CNTRL: variants seen among roughly 807,000 people sequenced by gnomAD.
CNTRL encodes centriolin, also known as 110 kDa centrosomal protein.
A neutral mutation model predicts 303.7 loss-of-function variants in CNTRL; 233 were observed. The observed-to-expected ratio is 0.77, with a 90% CI of 0.69 to 0.86. The LOEUF (loss-of-function observed/expected upper bound fraction) is 0.86, where lower values mean the gene tolerates loss of function less well. Among genes scored for constraint, CNTRL ranks in the 40% least tolerant of loss-of-function variants. The probability of loss-of-function intolerance (pLI) is 0.00; values close to 1 mark genes in which losing one functional copy is unlikely to be tolerated. For synonymous variants in CNTRL, 900 were observed against 922.2 expected (o/e 0.98, Z 0.44); for missense variants, 2,524 against 2,650.6 (o/e 0.95, Z 1.05).
At position 121,083,413 on chromosome 9, in the gene CNTRL, ACG is replaced by A. The variant is rs1006904945; in HGVS notation, c.-32+2937_-32+2938del. Among the ~76,000 whole-genome samples the A allele has an allele frequency of 2.5e-4, 38 of 152,290 alleles. 1 individual carries two copies. Among genetic ancestry groups the A allele is most frequent in the Admixed American group, 2.5e-3 (38 of 15,294 alleles). On this transcript the variant is annotated intron_variant, in intron 2 of 43. Transcript: ENST00000373855. ...TTTAAATGTTTTCTTAAAAACTGAG[ACG>A]CAAACACACACATTAGCCTAGGCCT...
chr9:121,163,865 C>CT (rs35289557), intron 34 of CNTRL, among the ~76,000 whole-genome samples: 70,264 of 138,140 alleles, frequency 0.51, 19,535 homozygotes, highest in South Asian at 0.8. Context: ...TAACCAGGAA[C>CT]TTTTTTTTTT....
At chr9:121,096,968 GT>G (rs537212879) in intron 6 of CNTRL, among the ~76,000 whole-genome samples, 147 of 142,572 alleles carry the variant, frequency 1.0e-3, no homozygotes, top group African/African-American at 1.0e-3. Flanking sequence ...AAAGTTCTGG[GT>G]TTTTTTTTTT....
intron 4 of CNTRL, among the ~76,000 whole-genome samples, chr9:121,091,455 T>C (rs1488241703): frequency 1.3e-5 from 2 of 152,172 alleles, no homozygotes; most frequent in Non-Finnish European, 2.9e-5. Context: ...AAGCAAATAC[T>C]AACCCTAGTA....
chr9:121,147,766 C>T (rs1015482542), intron 23 of CNTRL, among the ~76,000 whole-genome samples: 3 of 152,144 alleles, frequency 2.0e-5, no homozygotes, highest in Non-Finnish European at 4.4e-5. Context: ...GCTGTGTAGA[C>T]TTAACCAGAC....
intron 43 of CNTRL, among the ~76,000 whole-genome samples, chr9:121,176,321 T>C (rs1436127355): frequency 6.6e-6 from 1 of 152,232 alleles, no homozygotes; most frequent in Non-Finnish European, 1.5e-5. Flanking sequence ...TCAAGGACAG[T>C]TGCCTCTTTA....
At chr9:121,103,270 A>T (rs1031219526) in intron 7 of CNTRL, among the ~76,000 whole-genome samples, 1 of 152,228 alleles carries the variant, frequency 6.6e-6, no homozygotes, top group South Asian at 2.1e-4. Flanking sequence ...CTGATCTTTG[A>T]CAAACCTGAC....
At chr9:121,160,443 G>T in intron 32 of CNTRL, 141 bp downstream of exon 32, 2 of 462,356 alleles carry the variant, frequency 4.3e-6, no homozygotes, top group Non-Finnish European at 7.1e-6. Flanking sequence ...GGTTATAAAA[G>T]GAATATGATA....
chr9:121,125,602 T>C (rs2050473290), intron 13 of CNTRL, 114 bp from the exon 14 acceptor site: 2 of 908,586 alleles, frequency 2.2e-6, no homozygotes, highest in South Asian at 1.6e-5. Context: ...AAAAGAAAAA[T>C]GATAGGAAAG....
intron 4 of CNTRL, among the ~76,000 whole-genome samples, chr9:121,091,608 C>T (rs550184445): frequency 2.6e-5 from 4 of 152,120 alleles, no homozygotes; most frequent in East Asian, 1.9e-4. Flanking sequence ...TTTGGGAGGC[C>T]GAGGTGGGCA....
At position 121,164,979 on chromosome 9, in the gene CNTRL, G is replaced by A. The variant is rs961067427; in HGVS notation, c.5460G>A (p.Glu1820=). 7.4e-6 allele frequency: 12 copies of A among 1,612,078 alleles called. No individual in the cohort carries two copies. The highest frequency in any genetic ancestry group is 2.2e-5 in the East Asian group (1 of 44,760). The part of the protein sequence containing the change: ...LAAAEENSKM[E]QSNLEKLELN... ...CAGCAGAAGAAAATAGCAAAATGGA[G>A]CAATCAAACTTAGAAAAGTTGGAAT... Residue 1820 remains glutamate, a synonymous_variant, in exon 35 of 44, where the codon GAG becomes GAA. Coordinates refer to ENST00000373855, the MANE Select transcript of CNTRL (RefSeq NM_007018.6).
chr9:121,100,073 TC>T (rs1378512924), intron 7 of CNTRL, among the ~76,000 whole-genome samples: 1 of 152,066 alleles, frequency 6.6e-6, no homozygotes, highest in Non-Finnish European at 1.5e-5. Flanking sequence ...ACGAAGATAC[TC>T]CTCGAGAATA....
At chr9:121,144,435 C>G (rs1030912204) in intron 20 of CNTRL, among the ~76,000 whole-genome samples, 1 of 152,110 alleles carries the variant, frequency 6.6e-6, no homozygotes, top group Non-Finnish European at 1.5e-5. Flanking sequence ...TTTTTCATCT[C>G]GTGCAGTCAT....
intron 4 of CNTRL, among the ~76,000 whole-genome samples, chr9:121,094,208 G>A (rs781737917): frequency 3.3e-5 from 5 of 150,984 alleles, no homozygotes; most frequent in African/African-American, 4.9e-5. Context: ...ACCACAGACT[G>A]GGTAATTTAT....
At position 121,177,407 on chromosome 9, in the gene CNTRL, CAT is replaced by C. The variant is rs142381122; in HGVS notation, c.*222_*223del. The C allele has an allele frequency of 9.0e-3, 3,769 of 416,578 alleles. 110 individuals are homozygous for C. Among genetic ancestry groups the C allele is most frequent in the African/African-American group, 0.07 (3,390 of 48,098 alleles). 25.8% of individuals were successfully genotyped at this position (416,578 alleles called of 1,614,324 possible). On this transcript the variant is annotated 3_prime_UTR_variant, in exon 44 of 44. Coordinates refer to ENST00000373855, the MANE Select transcript of CNTRL (RefSeq NM_007018.6). ...AGTTGCATATGGGAATTTAAACCAACATGTGGCTGAGCCTTTTTTTTTTTAAT... is the reference window on the plus strand; with the variant it reads ...AGTTGCATATGGGAATTTAAACCAACGTGGCTGAGCCTTTTTTTTTTTAAT...
intron 22 of CNTRL, 32 bp downstream of exon 22, chr9:121,145,417 G>GT (rs1279633614): frequency 6.4e-7 from 1 of 1,555,866 alleles, no homozygotes; most frequent in Admixed American, 2.1e-5. Context: ...TTTGGCAGTG[G>GT]TTTTGTAGTC....
At chr9:121,168,979 C>T (rs941597175) in intron 38 of CNTRL, among the ~76,000 whole-genome samples, 2 of 152,112 alleles carry the variant, frequency 1.3e-5, no homozygotes, top group East Asian at 1.9e-4. Context: ...AAAAATATGT[C>T]GAGTTCTGAT....
intron 34 of CNTRL, among the ~76,000 whole-genome samples, chr9:121,164,227 G>T (rs2052993043): frequency 6.6e-6 from 1 of 152,158 alleles, no homozygotes; most frequent in African/African-American, 2.4e-5. Context: ...AACTTTGGAA[G>T]ACAGTTTAAC....
intron 12 of CNTRL, among the ~76,000 whole-genome samples, chr9:121,120,776 A>G (rs1347652164): frequency 6.6e-6 from 1 of 152,248 alleles, no homozygotes; most frequent in Non-Finnish European, 1.5e-5. Flanking sequence ...TAAATGAGAC[A>G]TGGGAATGGC....
At chr9:121,087,569 G>GA (rs2048395161) in intron 2 of CNTRL, among the ~76,000 whole-genome samples, 1 of 152,036 alleles carries the variant, frequency 6.6e-6, no homozygotes, top group Non-Finnish European at 1.5e-5. Context: ...CAGGCGCCAG[G>GA]AATCCCAGCT....
Sources: gnomAD v4.1 joint callset for allele counts (sites outside exome capture counted in the v4.1 genomes callset) on GRCh38, gnomAD v4.1.1 for gene constraint, MANE v1.5 for transcripts, NCBI Gene and HGNC (gene_info 2026-07-23, HGNC 2026-07-21) for gene names.